The following LHFPL3 variants were observed in gnomAD, a reference collection of about 807,000 sequenced individuals.
The protein encoded by LHFPL3 is LHFPL tetraspan subfamily member 3.
In LHFPL3, 5 loss-of-function variants were observed where a neutral mutation model predicts 19.3. That is an observed-to-expected ratio of 0.26 (90% CI 0.14 to 0.54). LHFPL3 has a LOEUF of 0.54. LHFPL3 is among the 20% of genes least tolerant of loss of function. LHFPL3 has a pLI of 0.94. For missense variants in LHFPL3, 249 were observed against 307.4 expected (o/e 0.81, Z 1.42); for synonymous variants, 133 against 126.2 (o/e 1.05, Z -0.36).
At chr7:104,558,783 G>A in intron 1 of LHFPL3, among the ~76,000 whole-genome samples, 1 of 146,120 alleles carries the variant, frequency 6.8e-6, no homozygotes. Context: ...GTATTGCCTA[G>A]GTTTTCTTCT....
chr7:104,751,021 G>T (rs571968176), intron 2 of LHFPL3, among the ~76,000 whole-genome samples: 8 of 150,696 alleles, frequency 5.3e-5, no homozygotes, highest in African/African-American at 1.9e-4. Context: ...TTTTTTAAGT[G>T]ACCAATTTGA....
At chr7:104,526,919 A>G (rs1405963744) in intron 1 of LHFPL3, among the ~76,000 whole-genome samples, 3 of 152,230 alleles carry the variant, frequency 2.0e-5, no homozygotes, top group South Asian at 2.1e-4. Context: ...CAGAAAATAA[A>G]TAAACACATA....
chr7:104,828,783 C>G (rs1180398475), intron 2 of LHFPL3, among the ~76,000 whole-genome samples: 2 of 151,924 alleles, frequency 1.3e-5, no homozygotes, highest in African/African-American at 2.4e-5. Flanking sequence ...GCCTGTAACC[C>G]CAGCACTTTG....
chr7:104,386,454 A>G (rs1790945756), intron 1 of LHFPL3, among the ~76,000 whole-genome samples: 1 of 152,326 alleles, frequency 6.6e-6, no homozygotes. Flanking sequence ...CTAAAAACCT[A>G]AAAGGAAGAT....
rs1195181880 is a variant in LHFPL3 at position 104,907,330 on chromosome 7, A to C, written c.*1115A>C. 6.6e-6 allele frequency: 1 copy of C among 152,200 alleles called. No individual in the cohort carries two copies. The highest frequency in any genetic ancestry group is 1.5e-5 in the Non-Finnish European group (1 of 68,010). 9.4% of individuals were successfully genotyped at this position (152,200 alleles called of 1,614,324 possible). On this transcript the variant is annotated 3_prime_UTR_variant, in exon 3 of 3. Coordinates refer to ENST00000424859, the MANE Select transcript of LHFPL3 (RefSeq NM_199000.3). ...AATAATTTAATAGCCTTAGAAATAA[A>C]TGACTGTATACTTATACAGGTTGAA...
intron 1 of LHFPL3, among the ~76,000 whole-genome samples, chr7:104,333,905 AT>A (rs1584592851): frequency 6.6e-6 from 1 of 152,270 alleles, no homozygotes; most frequent in Non-Finnish European, 1.5e-5. Context: ...AAAGATGTGG[AT>A]TTGAAGCCTG....
chr7:104,835,091 A>G (rs1791065922), intron 2 of LHFPL3, among the ~76,000 whole-genome samples: 1 of 151,918 alleles, frequency 6.6e-6, no homozygotes, highest in African/African-American at 2.4e-5. Flanking sequence ...TCCTGAGTTC[A>G]AGTCCTGACA....
intron 1 of LHFPL3, among the ~76,000 whole-genome samples, chr7:104,349,413 G>A (rs942117526): frequency 1.3e-5 from 2 of 152,146 alleles, no homozygotes; most frequent in African/African-American, 4.8e-5. Flanking sequence ...GAAAGCTAGA[G>A]AAAAGTGTTG....
intron 2 of LHFPL3, among the ~76,000 whole-genome samples, chr7:104,801,930 A>T (rs1451705610): frequency 1.3e-5 from 2 of 152,108 alleles, no homozygotes; most frequent in Non-Finnish European, 2.9e-5. Context: ...AAGAGCTATC[A>T]AAGACCATTA....
intron 1 of LHFPL3, among the ~76,000 whole-genome samples, chr7:104,344,158 A>G (rs1790018875): frequency 6.6e-6 from 1 of 152,210 alleles, no homozygotes; most frequent in Non-Finnish European, 1.5e-5. Context: ...TAAGATAATT[A>G]TAATACTGGA....
intron 2 of LHFPL3, among the ~76,000 whole-genome samples, chr7:104,778,345 G>T (rs1404564348): frequency 6.6e-6 from 1 of 152,102 alleles, no homozygotes; most frequent in Non-Finnish European, 1.5e-5. Context: ...CACTCATCCA[G>T]AATCAGTTGA....
At chr7:104,773,400 G>A (rs1344298733) in intron 2 of LHFPL3, among the ~76,000 whole-genome samples, 1 of 152,228 alleles carries the variant, frequency 6.6e-6, no homozygotes, top group Non-Finnish European at 1.5e-5. Flanking sequence ...AGGAGTGTTA[G>A]CGTGAGGCCC....
intron 2 of LHFPL3, among the ~76,000 whole-genome samples, chr7:104,789,610 C>T (rs1385249888): frequency 6.6e-6 from 1 of 152,056 alleles, no homozygotes; most frequent in Non-Finnish European, 1.5e-5. Flanking sequence ...GACTCCCACA[C>T]CCCCTCCCCC....
chr7:104,383,818 T>C (rs570275687), intron 1 of LHFPL3, among the ~76,000 whole-genome samples: 3 of 152,362 alleles, frequency 2.0e-5, no homozygotes, highest in East Asian at 1.9e-4. Flanking sequence ...GAAGGTCTTA[T>C]GAATTCTCAT....
chr7:104,365,540 G>C (rs1488659059), intron 1 of LHFPL3, among the ~76,000 whole-genome samples: 1 of 151,390 alleles, frequency 6.6e-6, no homozygotes, highest in African/African-American at 2.4e-5. Flanking sequence ...CCAGCACTTT[G>C]GGAGGCCGAG....
chr7:104,897,698 A>G (rs1562829397), intron 2 of LHFPL3, among the ~76,000 whole-genome samples: 2 of 152,254 alleles, frequency 1.3e-5, no homozygotes, highest in African/African-American at 4.8e-5. Context: ...TAATCTACTT[A>G]TTAAACACAC....
intron 1 of LHFPL3, among the ~76,000 whole-genome samples, chr7:104,496,130 C>T (rs1196142135): frequency 6.6e-6 from 1 of 152,154 alleles, no homozygotes; most frequent in Non-Finnish European, 1.5e-5. Flanking sequence ...TCCCCCCACC[C>T]CACAATAGTC....
chr7:104,848,410 G>C (rs1455772948), intron 2 of LHFPL3, among the ~76,000 whole-genome samples: 2 of 152,110 alleles, frequency 1.3e-5, no homozygotes, highest in Non-Finnish European at 2.9e-5. Flanking sequence ...AAGACTAGTT[G>C]GTCTTCCCGC....
At chr7:104,567,788 A>C (rs144884165) in intron 1 of LHFPL3, among the ~76,000 whole-genome samples, 389 of 152,240 alleles carry the variant, frequency 2.6e-3, no homozygotes, top group Non-Finnish European at 3.9e-3. Context: ...TCCTTCAGTA[A>C]AGGAAAAACC....
Sources: allele counts gnomAD v4.1 joint callset (sites outside exome capture counted in the v4.1 genomes callset), GRCh38; gene constraint gnomAD v4.1.1; transcripts MANE v1.5; gene names NCBI Gene and HGNC (gene_info 2026-07-23, HGNC 2026-07-21).